The following SPAG16 variants were observed in gnomAD, a reference collection of about 807,000 sequenced individuals.
SPAG16 encodes the protein sperm associated antigen 16, also known as sperm-associated antigen 16 protein.
Under a neutral mutation model 80.4 loss-of-function variants are expected in SPAG16, and 86 were observed. The ratio of observed to expected loss-of-function variants is 1.07; its 90% confidence interval spans 0.90 to 1.28. The LOEUF is 1.28. Among genes scored for constraint, SPAG16 ranks in the 50% most tolerant of loss-of-function variants. SPAG16 has a pLI of 0.00. For missense variants in SPAG16, 870 were observed against 765.3 expected (o/e 1.14, Z -1.61); for synonymous variants, 294 against 265.9 (o/e 1.11, Z -1.03).
In SPAG16 at chr2:214,395,276, A is replaced by G. The variant is rs543146202; in HGVS notation, c.1721-14864A>G. Among the ~76,000 whole-genome samples the G allele has an allele frequency of 5.3e-5, 8 of 152,312 alleles. 1 individual carries two copies. The highest frequency in any genetic ancestry group is 1.9e-4 in the African/African-American group (8 of 41,578). On this transcript the variant is annotated intron_variant, in intron 15 of 15. Transcript: ENST00000331683. ...AGAGTATGTTTACTTTTGTAAGTAAACTGCTAAACCATCTTCCAAAGTAGC... is the reference window on the plus strand; with the variant it reads ...AGAGTATGTTTACTTTTGTAAGTAAGCTGCTAAACCATCTTCCAAAGTAGC...
At chr2:213,894,232 A>G (rs1004844646) in intron 11 of SPAG16, among the ~76,000 whole-genome samples, 17 of 152,216 alleles carry the variant, frequency 1.1e-4, no homozygotes, top group African/African-American at 3.9e-4. Flanking sequence ...CACATTAAAA[A>G]GATCATTCAC....
At chr2:214,027,943 T>A (rs918645805) in intron 13 of SPAG16, among the ~76,000 whole-genome samples, 11 of 151,960 alleles carry the variant, frequency 7.2e-5, no homozygotes, top group Non-Finnish European at 1.0e-4. Context: ...AGGTATAATA[T>A]ATGACTAAGT....
intron 10 of SPAG16, among the ~76,000 whole-genome samples, chr2:213,611,495 T>C (rs531332280): frequency 6.6e-6 from 1 of 152,190 alleles, no homozygotes; most frequent in Non-Finnish European, 1.5e-5. Context: ...AGATATACTG[T>C]AGGGGATTTC....
At chr2:214,371,304 G>T (rs754922706) in intron 15 of SPAG16, among the ~76,000 whole-genome samples, 29 of 151,944 alleles carry the variant, frequency 1.9e-4, no homozygotes, top group African/African-American at 6.8e-4. Flanking sequence ...AGGCCGAGGC[G>T]GGCAGATCAC....
chr2:213,821,421 TTTAA>T (rs1324250372), intron 10 of SPAG16, among the ~76,000 whole-genome samples: 3 of 152,150 alleles, frequency 2.0e-5, no homozygotes, highest in Admixed American at 6.5e-5. Context: ...TTTTTAAATT[TTTAA>T]TTGTGTGTAT....
chr2:213,379,104 G>A (rs1310509530), intron 9 of SPAG16, among the ~76,000 whole-genome samples: 1 of 152,120 alleles, frequency 6.6e-6, no homozygotes, highest in African/African-American at 2.4e-5. Flanking sequence ...CTTGATGGCA[G>A]CGTTCCTCCC....
At chr2:213,371,134 C>T (rs922224424) in intron 8 of SPAG16, among the ~76,000 whole-genome samples, 13 of 152,196 alleles carry the variant, frequency 8.5e-5, no homozygotes, top group Middle Eastern at 3.4e-3. Context: ...AGAGGCTGTG[C>T]GTGGTGGCTC....
In SPAG16 at chr2:214,012,283, TA is replaced by T. The variant is rs1471696499; in HGVS notation, c.1401-1667del. 3.1e-3 allele frequency among the ~76,000 whole-genome samples: 166 copies of T among 54,288 alleles called. 3 individuals are homozygous for T. The highest frequency in any genetic ancestry group is 6.4e-3 in the African/African-American group (70 of 10,986). The allele number at this position is 54,288 out of a possible 152,430, so 35.6% of individuals were successfully genotyped here. ...ACATATATATATATATATATATATA[TA>T]TATATTTTTTTTTTTTTTTTTTTTT... On this transcript the variant is annotated intron_variant, in intron 12 of 15. Coordinates refer to ENST00000331683, the MANE Select transcript of SPAG16 (RefSeq NM_024532.5).
At chr2:213,445,260 CAA>C (rs2071222471) in intron 9 of SPAG16, among the ~76,000 whole-genome samples, 1 of 152,132 alleles carries the variant, frequency 6.6e-6, no homozygotes, top group South Asian at 2.1e-4. Flanking sequence ...ATTCAACTGA[CAA>C]GAGATTAATA....
chr2:213,327,325 A>G (rs563188678), intron 5 of SPAG16, among the ~76,000 whole-genome samples: 66 of 152,176 alleles, frequency 4.3e-4, no homozygotes, highest in African/African-American at 1.5e-3. Flanking sequence ...TCATAATAGG[A>G]GAAGCACCAC....
At chr2:214,289,160 T>C (rs1693608584) in intron 15 of SPAG16, among the ~76,000 whole-genome samples, 1 of 152,210 alleles carries the variant, frequency 6.6e-6, no homozygotes, top group African/African-American at 2.4e-5. Flanking sequence ...GTTGCATGAA[T>C]AGCTGGCAAA....
rs1263967371 is a variant in SPAG16, at chr2:213,340,205, T to C, written c.579T>C (p.Asp193=). The C allele has an allele frequency of 6.2e-7, 1 of 1,612,768 alleles. No homozygotes were observed. The highest frequency in any genetic ancestry group is 1.7e-5 in the Admixed American group (1 of 59,728). The change falls in exon 6 of 16, where the codon GAT becomes GAC. Residue 193 remains aspartate, a synonymous_variant. Transcript: ENST00000331683. ...TGCTGAAAATTCAGAAAGAACGTGATTTTCATCGAATGCATCATAAGCGAA... is the reference window on the plus strand; with the variant it reads ...TGCTGAAAATTCAGAAAGAACGTGACTTTCATCGAATGCATCATAAGCGAA... ...EDLLKIQKER[D]FHRMHHKRIV... is the part of the protein sequence containing the mutation.
intron 10 of SPAG16, among the ~76,000 whole-genome samples, chr2:213,759,622 T>C (rs912134151): frequency 1.3e-5 from 2 of 150,580 alleles, no homozygotes; most frequent in East Asian, 2.0e-4. Flanking sequence ...ACCAAGAAAA[T>C]AGCTATATAC....
chr2:213,521,100 C>T (rs2075647080), intron 10 of SPAG16, among the ~76,000 whole-genome samples: 1 of 152,112 alleles, frequency 6.6e-6, no homozygotes, highest in South Asian at 2.1e-4. Flanking sequence ...CAACCCAATG[C>T]CCTGTGGAGC....
At chr2:213,546,414 C>T (rs1575920309) in intron 10 of SPAG16, among the ~76,000 whole-genome samples, 1 of 151,886 alleles carries the variant, frequency 6.6e-6, no homozygotes, top group East Asian at 1.9e-4. Context: ...TGTATTTTTT[C>T]TACAATGCAT....
intron 15 of SPAG16, among the ~76,000 whole-genome samples, chr2:214,373,336 T>C (rs1699930561): frequency 6.6e-6 from 1 of 152,142 alleles, no homozygotes; most frequent in Admixed American, 6.6e-5. Context: ...ATGCTACTGA[T>C]TACATGAGAC....
intron 10 of SPAG16, among the ~76,000 whole-genome samples, chr2:213,585,950 A>C (rs1048163519): frequency 4.6e-5 from 7 of 152,064 alleles, no homozygotes; most frequent in Non-Finnish European, 8.8e-5. Context: ...TTTTTTTCCA[A>C]ATGAAAGCAT....
intron 13 of SPAG16, among the ~76,000 whole-genome samples, chr2:214,055,062 G>A (rs2049866961): frequency 6.6e-6 from 1 of 152,082 alleles, no homozygotes; most frequent in Non-Finnish European, 1.5e-5. Flanking sequence ...AATTTGGCAG[G>A]CTTTTAGCAG....
intron 15 of SPAG16, among the ~76,000 whole-genome samples, chr2:214,258,042 A>C (rs963550271): frequency 2.6e-5 from 4 of 152,096 alleles, no homozygotes; most frequent in African/African-American, 7.2e-5. Flanking sequence ...TTATTTTTCA[A>C]GAAATTTGTT....
Sources: gnomAD v4.1 joint callset for allele counts (sites outside exome capture counted in the v4.1 genomes callset) on GRCh38, gnomAD v4.1.1 for gene constraint, MANE v1.5 for transcripts, NCBI Gene and HGNC (gene_info 2026-07-23, HGNC 2026-07-21) for gene names.